CCDC88C: variants seen among roughly 807,000 people sequenced by gnomAD.
CCDC88C encodes the protein coiled-coil and HOOK domain protein 88C.
In CCDC88C, 131 loss-of-function variants were observed where a neutral mutation model predicts 198.8. The ratio of observed to expected loss-of-function variants is 0.66; its 90% CI spans 0.57 to 0.76. The LOEUF is 0.76. Ranked by LOEUF, CCDC88C falls within the 30% of genes least tolerant of loss-of-function variation. The pLI is 0.00. For synonymous variants in CCDC88C, 1,166 were observed against 1,114.7 expected, an observed-to-expected ratio of 1.05 and a Z score of -0.92; for missense variants, 2,553 against 2,631.6, an observed-to-expected ratio of 0.97 and a Z score of 0.65.
intron 3 of CCDC88C, among the ~76,000 whole-genome samples, chr14:91,389,251 T>C (rs1355772745): frequency 1.3e-5 from 2 of 152,122 alleles, no homozygotes; most frequent in Non-Finnish European, 2.9e-5. Context: ...CCATCCAGGC[T>C]TCCTCCGAGT....
intron 10 of CCDC88C, among the ~76,000 whole-genome samples, chr14:91,337,405 G>A (rs1282064538): frequency 6.6e-6 from 1 of 152,216 alleles, no homozygotes. Context: ...TGCAATCATA[G>A]CTCAATGCAT....
chr14:91,417,408 C>T (rs1453255485), intron 1 of CCDC88C: 2 of 572,018 alleles, frequency 3.5e-6, no homozygotes, highest in Non-Finnish European at 6.1e-6. Context: ...GCCGAAAGCG[C>T]GGCGGGGTCC....
At chr14:91,344,722 A>T (rs1389744845) in intron 4 of CCDC88C, among the ~76,000 whole-genome samples, 4 of 150,692 alleles carry the variant, frequency 2.7e-5, no homozygotes, top group Non-Finnish European at 4.4e-5. Flanking sequence ...CGTGGTCTCA[A>T]TCTCCTGACC....
At chr14:91,386,139 C>G (rs1885119093) in intron 3 of CCDC88C, among the ~76,000 whole-genome samples, 1 of 151,928 alleles carries the variant, frequency 6.6e-6, no homozygotes, top group Admixed American at 6.6e-5. Context: ...CTATGATGAG[C>G]CAACAATTTA....
intron 23 of CCDC88C, among the ~76,000 whole-genome samples, chr14:91,292,550 G>C (rs753225764): frequency 9.2e-5 from 14 of 152,118 alleles, no homozygotes; most frequent in Non-Finnish European, 1.6e-4. Context: ...TAGACACGTA[G>C]GTGAAGCCGA....
intron 3 of CCDC88C, among the ~76,000 whole-genome samples, chr14:91,389,423 G>A (rs1567116380): frequency 6.6e-6 from 1 of 152,172 alleles, no homozygotes; most frequent in African/African-American, 2.4e-5. Context: ...AGTAGAAAGG[G>A]ATGCTTCCGT....
intron 20 of CCDC88C, 88 bp from the exon 21 acceptor site, chr14:91,300,158 C>T (rs896649346): frequency 3.4e-5 from 52 of 1,514,928 alleles, no homozygotes; most frequent in Non-Finnish European, 4.2e-5. Flanking sequence ...GCGTGCCTCC[C>T]GTGAGAAAAT....
chr14:91,278,004 C>A lies in CCDC88C; in HGVS notation c.4976G>T (p.Arg1659Leu). The A allele has an allele frequency of 6.3e-7, 1 of 1,582,192 alleles. No homozygotes were observed. ...ACTGCTGGGGGAGGCCGAGCAGGGC[C>A]GCACTCCGACGTAGGGAGGGGCTGT... ...RGTAPPYVGV[R>L]PCSASPSSEM... The change falls in exon 29 of 30, where the codon CGG becomes CTG. Residue 1659 changes from arginine (R) to leucine (L), a missense_variant. Physicochemically the swap from Arg to Leu is moderately radical, Grantham distance 102. Transcript: ENST00000389857.
At chr14:91,330,625 G>A (rs200627127) in intron 10 of CCDC88C, among the ~76,000 whole-genome samples, 9 of 152,186 alleles carry the variant, frequency 5.9e-5, no homozygotes, top group Admixed American at 4.6e-4. Flanking sequence ...GACCTGGGAC[G>A]AGGGGATGGG....
intron 29 of CCDC88C, among the ~76,000 whole-genome samples, chr14:91,276,177 T>TTA (rs1030857640): frequency 6.6e-6 from 1 of 152,154 alleles, no homozygotes; most frequent in African/African-American, 2.4e-5. Flanking sequence ...TATCTGGAAT[T>TTA]TATAAAGATG....
At chr14:91,298,228 T>G (rs1184521639) in intron 21 of CCDC88C, among the ~76,000 whole-genome samples, 4 of 151,912 alleles carry the variant, frequency 2.6e-5, no homozygotes. Flanking sequence ...TGAGGCCAGT[T>G]CCACACCAGC....
At position 91,385,940 on chromosome 14, in the gene CCDC88C, GA is replaced by G. The variant is rs200096531; in HGVS notation, c.270+22718del. Among the ~76,000 whole-genome samples the G allele has an allele frequency of 6.0e-3, 916 of 152,288 alleles. 4 individuals are homozygous for G. The highest frequency in any genetic ancestry group is 0.021 in the African/African-American group (868 of 41,560). ...TATATCAGAGGCCACACAGTACAGAGAAAAACATTGGGCCAGGAGCAGAATG... is the reference window on the plus strand; with the variant it reads ...TATATCAGAGGCCACACAGTACAGAGAAAACATTGGGCCAGGAGCAGAATG... On this transcript the variant is annotated intron_variant, in intron 3 of 29. Transcript: ENST00000389857.
intron 6 of CCDC88C, among the ~76,000 whole-genome samples, chr14:91,341,017 T>TAA (rs200926903): frequency 2.6e-5 from 4 of 151,832 alleles, no homozygotes; most frequent in African/African-American, 9.7e-5. Flanking sequence ...ACCCTGTCTC[T>TAA]AAAAAAAGAC....
At chr14:91,275,971 G>A (rs1278185975) in intron 29 of CCDC88C, among the ~76,000 whole-genome samples, 2 of 151,674 alleles carry the variant, frequency 1.3e-5, no homozygotes, top group South Asian at 2.1e-4. Flanking sequence ...ACAGGCGCGC[G>A]CCACCACGCC....
At chr14:91,315,992 AT>A in intron 13 of CCDC88C, 3 of 537,848 alleles carry the variant, frequency 5.6e-6, no homozygotes, top group Non-Finnish European at 9.8e-6. Flanking sequence ...AACCATCACC[AT>A]CCCCCCAGCG....
Position 91,278,020 on chromosome 14 carries a change from G to A in CCDC88C, c.4960C>T (p.Pro1654Ser). 1 of 1,600,096 alleles carries A rather than the reference G, an allele frequency of 6.2e-7. No individual in the cohort carries two copies. The highest frequency in any genetic ancestry group is 8.5e-7 in the Non-Finnish European group (1 of 1,173,256). The change falls in exon 29 of 30, where the codon CCC becomes TCC. Residue 1654 changes from proline (P) to serine (S), a missense_variant. Around this residue, in one of 2 missense-constraint regions of CCDC88C, gnomAD observed 1,293 missense variants for 1,219.6 expected, o/e 1.06. Transcript: ENST00000389857. The stretch of plus-strand genomic sequence containing the variant: ...GAGCAGGGCCGCACTCCGACGTAGG[G>A]AGGGGCTGTGCCCCTCTTCTGGGCA... The part of the protein sequence containing the change: ...EGAQKRGTAP[P>S]YVGVRPCSAS...
In CCDC88C at chr14:91,324,672, G is replaced by A. The variant is rs867227639; in HGVS notation, c.1342+107C>T. On this transcript the variant is annotated intron_variant, in intron 12 of 29. Coordinates refer to ENST00000389857, the MANE Select transcript of CCDC88C (RefSeq NM_001080414.4). ...GCTTGAAGGAAATCATGTTTGCCTGGGATGAATGGATGGGCTAACATGGCA... is the reference window on the plus strand; with the variant it reads ...GCTTGAAGGAAATCATGTTTGCCTGAGATGAATGGATGGGCTAACATGGCA... 5 of 1,327,606 alleles carry A rather than the reference G, an allele frequency of 3.8e-6. No individual in the cohort carries two copies. The African/African-American group carries it at 5.8e-5, about 15-fold the overall frequency. 82.2% of individuals were successfully genotyped at this position (1,327,606 alleles called of 1,614,324 possible). A position where few individuals can be genotyped will look rare whatever the true frequency, so the allele number is the denominator to read the frequency against.
At chr14:91,344,666 C>T (rs1011343763) in intron 4 of CCDC88C, among the ~76,000 whole-genome samples, 14 of 151,674 alleles carry the variant, frequency 9.2e-5, no homozygotes, top group African/African-American at 3.4e-4. Flanking sequence ...CGGCCACCAC[C>T]GCGCCCAGCT....
chr14:91,347,515 T>C (rs1893596042), intron 4 of CCDC88C, among the ~76,000 whole-genome samples: 1 of 151,856 alleles, frequency 6.6e-6, no homozygotes, highest in Non-Finnish European at 1.5e-5. Flanking sequence ...CATCAAAAAG[T>C]GGGTGAAGGA....
Sources: gnomAD v4.1 joint callset for allele counts (sites outside exome capture counted in the v4.1 genomes callset) on GRCh38, gnomAD v4.1.1 for gene constraint, gnomAD v4.1.1 regional missense constraint, MANE v1.5 for transcripts, NCBI Gene and HGNC (gene_info 2026-07-23, HGNC 2026-07-21) for gene names.